The following XKR4 variants were observed in gnomAD, a reference collection of about 807,000 sequenced individuals.
XKR4 encodes XK-related protein 4.
A neutral mutation model predicts 53.9 loss-of-function variants in XKR4; 12 were observed. The observed-to-expected ratio is 0.22, with a 90% confidence interval of 0.14 to 0.36. The LOEUF is 0.36. XKR4 is among the 10% of genes least tolerant of loss of function. The pLI is 1.00. For synonymous variants in XKR4, 354 were observed against 362.4 expected, an observed-to-expected ratio of 0.98 and a Z score of 0.26; for missense variants, 799 against 859.5, an observed-to-expected ratio of 0.93 and a Z score of 0.88.
At chr8:55,172,659 G>A (rs1563474581) in intron 1 of XKR4, among the ~76,000 whole-genome samples, 1 of 152,152 alleles carries the variant, frequency 6.6e-6, no homozygotes, top group Non-Finnish European at 1.5e-5. Flanking sequence ...AAAAACACAT[G>A]TATGACATTA....
At chr8:55,451,658 C>G in intron 2 of XKR4, 1 of 1,555,256 alleles carries the variant, frequency 6.4e-7, no homozygotes, top group Non-Finnish European at 8.8e-7. Flanking sequence ...TTGTCCTGGA[C>G]ACTCTGGGGC....
In XKR4 at chr8:55,329,834, C is replaced by T. The variant is rs79388823; in HGVS notation, c.807-27844C>T. Among the ~76,000 whole-genome samples, 108 of 152,260 alleles carry T rather than the reference C, an allele frequency of 7.1e-4. 1 individual carries two copies. Among genetic ancestry groups the T allele is most frequent in the Non-Finnish European group, 1.4e-3 (93 of 68,008 alleles). On this transcript the variant is annotated intron_variant, in intron 1 of 2. Transcript: ENST00000327381. ...TGCCCACTTTCGACTACCAAAAGCA[C>T]AATCACCCCAGTACATGAGGCAGCA...
chr8:55,240,350 G>C lies in XKR4; in HGVS notation c.807-117328G>C, dbSNP rs117860314. Reference sequence around the variant, plus strand: ...CATTCAAGTACTAAACAACCTATATGTTCTAAGATATATAGTCCATGTGTT... The same window carrying C: ...CATTCAAGTACTAAACAACCTATATCTTCTAAGATATATAGTCCATGTGTT... On this transcript the variant is annotated intron_variant, in intron 1 of 2. Coordinates refer to ENST00000327381, the MANE Select transcript of XKR4 (RefSeq NM_052898.2). 6.6e-5 allele frequency among the ~76,000 whole-genome samples: 10 copies of C among 152,224 alleles called. No individual in the cohort carries two copies. The East Asian group carries it at 1.9e-3, about 29-fold the overall frequency.
intron 1 of XKR4, among the ~76,000 whole-genome samples, chr8:55,161,875 C>T (rs1816991264): frequency 6.6e-6 from 1 of 152,180 alleles, no homozygotes; most frequent in Non-Finnish European, 1.5e-5. Flanking sequence ...GTAGTGCTTC[C>T]TGTATTTTTG....
intron 1 of XKR4, among the ~76,000 whole-genome samples, chr8:55,280,465 C>T (rs1818829456): frequency 6.6e-6 from 1 of 152,192 alleles, no homozygotes; most frequent in South Asian, 2.1e-4. Context: ...TATTACAAGA[C>T]TAGGAAAGGT....
intron 1 of XKR4, among the ~76,000 whole-genome samples, chr8:55,353,963 G>A (rs558385033): frequency 7.9e-5 from 12 of 152,296 alleles, no homozygotes; most frequent in African/African-American, 2.4e-4. Context: ...AAAATGGTAT[G>A]TTCTGCAAAT....
At chr8:55,453,530 C>A in intron 2 of XKR4, 1 of 380,890 alleles carries the variant, frequency 2.6e-6, no homozygotes, top group South Asian at 2.0e-5. Context: ...CCTGCTGCAC[C>A]CATCCAGTAG....
intron 1 of XKR4, among the ~76,000 whole-genome samples, chr8:55,302,153 A>G (rs1819209630): frequency 6.6e-6 from 1 of 152,156 alleles, no homozygotes; most frequent in African/African-American, 2.4e-5. Context: ...TCTTTAATCC[A>G]TCTTGAATTA....
intron 1 of XKR4, among the ~76,000 whole-genome samples, chr8:55,279,560 T>G (rs1315603438): frequency 6.6e-6 from 1 of 152,196 alleles, no homozygotes; most frequent in Admixed American, 6.5e-5. Flanking sequence ...AATTATATAG[T>G]TTAGTAGAGC....
intron 2 of XKR4, among the ~76,000 whole-genome samples, chr8:55,435,721 A>G (rs113576480): frequency 6.6e-6 from 1 of 151,608 alleles, no homozygotes; most frequent in South Asian, 2.1e-4. Context: ...GGCATATGCC[A>G]CCACACCTAA....
rs1807052480 is a variant in XKR4, at chr8:55,537,946, C to A, written c.*13719C>A. The stretch of plus-strand genomic sequence containing the variant: ...TGAATCAGCAACAAAGACGTGACAA[C>A]CTATTGTCCTCCACAAAAGCATGAG... On this transcript the variant is annotated 3_prime_UTR_variant, in exon 3 of 3. Coordinates refer to ENST00000327381, the MANE Select transcript of XKR4 (RefSeq NM_052898.2). The A allele has an allele frequency of 6.6e-6, 1 of 152,170 alleles. No homozygotes were observed. Among genetic ancestry groups the A allele is most frequent in the South Asian group, 2.1e-4 (1 of 4,822 alleles). 9.4% of individuals were successfully genotyped at this position (152,170 alleles called of 1,614,324 possible).
intron 1 of XKR4, among the ~76,000 whole-genome samples, chr8:55,115,445 A>C (rs1816292932): frequency 6.6e-6 from 1 of 151,880 alleles, no homozygotes; most frequent in Non-Finnish European, 1.5e-5. Flanking sequence ...CAAAATGTGA[A>C]ATGTTTTGAA....
Position 55,345,045 on chromosome 8 carries a change from G to T in XKR4, c.807-12633G>T, listed in dbSNP as rs186134036. Among the ~76,000 whole-genome samples, 49 of 152,288 alleles carry T rather than the reference G, an allele frequency of 3.2e-4. 1 individual carries two copies. The East Asian group carries it at 5.4e-3, about 17-fold the overall frequency. Reference sequence around the variant, plus strand: ...TGGGCAGATCACAGCAATTTGGGAGGCCATGGCAGGTGGATCACTTGAGGT... The same window carrying T: ...TGGGCAGATCACAGCAATTTGGGAGTCCATGGCAGGTGGATCACTTGAGGT... On this transcript the variant is annotated intron_variant, in intron 1 of 2. Transcript: ENST00000327381.
At chr8:55,385,610 A>G (rs1804297634) in intron 2 of XKR4, among the ~76,000 whole-genome samples, 1 of 152,248 alleles carries the variant, frequency 6.6e-6, no homozygotes, top group Non-Finnish European at 1.5e-5. Context: ...CAGCAAAGTA[A>G]CATCATGGAA....
Position 55,537,766 on chromosome 8 carries a change from A to G in XKR4, c.*13539A>G, listed in dbSNP as rs1807049278. ...GGATCCTCCACTTTGTGTAGTAAGG[A>G]CCCCCCAGGCCCCACAACATCATCA... On this transcript the variant is annotated 3_prime_UTR_variant, in exon 3 of 3. Transcript: ENST00000327381. 6.6e-6 allele frequency: 1 copy of G among 152,062 alleles called. No individual in the cohort carries two copies. The highest frequency in any genetic ancestry group is 6.6e-5 in the Admixed American group (1 of 15,258). 9.4% of individuals were successfully genotyped at this position (152,062 alleles called of 1,614,324 possible).
intron 1 of XKR4, among the ~76,000 whole-genome samples, chr8:55,171,361 C>T (rs1817153426): frequency 6.6e-6 from 1 of 152,116 alleles, no homozygotes; most frequent in South Asian, 2.1e-4. Flanking sequence ...TGGGGACAGG[C>T]AAGCTGGTGC....
At chr8:55,198,908 C>T (rs1817538067) in intron 1 of XKR4, among the ~76,000 whole-genome samples, 1 of 152,188 alleles carries the variant, frequency 6.6e-6, no homozygotes, top group South Asian at 2.1e-4. Flanking sequence ...TTAGCCTTAA[C>T]TTTAGCAAAC....
chr8:55,469,259 A>G (rs768295026), intron 2 of XKR4, among the ~76,000 whole-genome samples: 3 of 152,140 alleles, frequency 2.0e-5, no homozygotes, highest in Non-Finnish European at 2.9e-5. Context: ...AGCCAGGTTG[A>G]CATTCCTATG....
intron 1 of XKR4, among the ~76,000 whole-genome samples, chr8:55,291,745 G>A (rs1252592580): frequency 1.3e-5 from 2 of 152,068 alleles, no homozygotes; most frequent in Non-Finnish European, 2.9e-5. Flanking sequence ...TTCTAGGAGG[G>A]TTGTTGTTAT....
Sources: allele counts gnomAD v4.1 joint callset (sites outside exome capture counted in the v4.1 genomes callset), GRCh38; gene constraint gnomAD v4.1.1; transcripts MANE v1.5; gene names NCBI Gene and HGNC (gene_info 2026-07-23, HGNC 2026-07-21).